The following EXOC6B variants were observed in gnomAD, a reference collection of about 807,000 sequenced individuals.
EXOC6B encodes SEC15 homolog B.
EXOC6B carries 54 observed loss-of-function variants against 113.5 expected under a neutral mutation model. The ratio of observed to expected loss-of-function variants is 0.48; its 90% CI spans 0.38 to 0.60. The LOEUF is 0.60. EXOC6B is among the 20% of genes least tolerant of loss of function. The probability of loss-of-function intolerance (pLI) is 0.00; values close to 1 mark genes in which losing one functional copy is unlikely to be tolerated. For missense variants in EXOC6B, 797 were observed against 977.5 expected (o/e 0.82, Z 2.46); for synonymous variants, 357 against 339.0 (o/e 1.05, Z -0.58).
intron 6 of EXOC6B, among the ~76,000 whole-genome samples, chr2:72,631,632 G>C (rs1672478258): frequency 6.6e-6 from 1 of 151,666 alleles, no homozygotes; most frequent in African/African-American, 2.4e-5. Context: ...AGCCTTCCAA[G>C]TAGCTGGGAC....
intron 10 of EXOC6B, among the ~76,000 whole-genome samples, chr2:72,513,633 A>C (rs1441956880): frequency 1.3e-5 from 2 of 151,934 alleles, no homozygotes; most frequent in Admixed American, 1.3e-4. Context: ...AGATCATAAA[A>C]GCTAATATAT....
chr2:72,662,469 A>G (rs71416758), intron 6 of EXOC6B, among the ~76,000 whole-genome samples: 7 of 152,242 alleles, frequency 4.6e-5, no homozygotes, highest in African/African-American at 9.6e-5. Flanking sequence ...AAAGTAAGAA[A>G]CAAACAATCC....
intron 2 of EXOC6B, among the ~76,000 whole-genome samples, chr2:72,740,685 T>C (rs1681242907): frequency 6.6e-6 from 1 of 152,232 alleles, no homozygotes; most frequent in Non-Finnish European, 1.5e-5. Flanking sequence ...TCTACAATGA[T>C]AGCTTTTATC....
chr2:72,658,652 C>G (rs1674784787), intron 6 of EXOC6B, among the ~76,000 whole-genome samples: 1 of 151,984 alleles, frequency 6.6e-6, no homozygotes, highest in Admixed American at 6.6e-5. Flanking sequence ...TGACAAGAAA[C>G]TGAGAAAGAG....
At chr2:72,491,774 C>T (rs555199511) in intron 16 of EXOC6B, among the ~76,000 whole-genome samples, 16 of 152,232 alleles carry the variant, frequency 1.1e-4, no homozygotes, top group African/African-American at 3.9e-4. Context: ...GCCTTTTCTA[C>T]ACATTCCCTT....
intron 19 of EXOC6B, among the ~76,000 whole-genome samples, chr2:72,352,675 A>G (rs551658924): frequency 6.6e-6 from 1 of 151,900 alleles, no homozygotes; most frequent in African/African-American, 2.4e-5. Flanking sequence ...ATGGAAAGGC[A>G]TATTTTTAAA....
At chr2:72,553,833 C>T (rs1025690915) in intron 8 of EXOC6B, among the ~76,000 whole-genome samples, 1 of 152,042 alleles carries the variant, frequency 6.6e-6, no homozygotes, top group South Asian at 2.1e-4. Flanking sequence ...TATGTCTGAA[C>T]AGGATCTAGT....
intron 20 of EXOC6B, among the ~76,000 whole-genome samples, chr2:72,229,799 G>C (rs370853263): frequency 3.9e-4 from 59 of 152,332 alleles, no homozygotes; most frequent in African/African-American, 1.4e-3. Flanking sequence ...AGTTGCCTAT[G>C]TGCAAATGGA....
chr2:72,525,406 G>A (rs753126007), intron 8 of EXOC6B, among the ~76,000 whole-genome samples: 6 of 152,066 alleles, frequency 3.9e-5, no homozygotes, highest in Admixed American at 6.6e-5. Context: ...ACTTAGAAGC[G>A]AAAGGGTAAA....
At chr2:72,276,141 G>A (rs1039717073) in intron 20 of EXOC6B, among the ~76,000 whole-genome samples, 1 of 152,176 alleles carries the variant, frequency 6.6e-6, no homozygotes, top group Admixed American at 6.5e-5. Flanking sequence ...GGCCATTTTA[G>A]TGAGGTGATT....
chr2:72,360,632 C>T (rs549105646), intron 19 of EXOC6B, among the ~76,000 whole-genome samples: 11 of 152,228 alleles, frequency 7.2e-5, no homozygotes, highest in Middle Eastern at 3.4e-3. Context: ...GGCCAATTCT[C>T]GTCCTTCCTA....
intron 20 of EXOC6B, among the ~76,000 whole-genome samples, chr2:72,270,373 A>C (rs1684408214): frequency 6.6e-6 from 1 of 152,126 alleles, no homozygotes; most frequent in Admixed American, 6.6e-5. Context: ...GTTTTCCTAA[A>C]ATATCTGTCC....
intron 6 of EXOC6B, among the ~76,000 whole-genome samples, chr2:72,641,240 C>A (rs758105349): frequency 1.3e-5 from 2 of 152,170 alleles, no homozygotes; most frequent in Admixed American, 6.5e-5. Context: ...TCAGAGAGGG[C>A]GAGCTGAAGC....
chr2:72,428,805 C>A (rs1695359343), intron 18 of EXOC6B, among the ~76,000 whole-genome samples: 1 of 152,194 alleles, frequency 6.6e-6, no homozygotes, highest in Admixed American at 6.5e-5. Context: ...GCTATTGTTT[C>A]ATTTATGGCT....
intron 8 of EXOC6B, among the ~76,000 whole-genome samples, chr2:72,530,686 T>C (rs1701957171): frequency 6.6e-6 from 1 of 152,196 alleles, no homozygotes; most frequent in Admixed American, 6.5e-5. Context: ...TCTTCAACTA[T>C]AACAGTGATT....
chr2:72,339,144 G>A (rs1382683500), intron 19 of EXOC6B, among the ~76,000 whole-genome samples: 1 of 151,796 alleles, frequency 6.6e-6, no homozygotes, highest in African/African-American at 2.4e-5. Context: ...ATGAGAGAGG[G>A]GCAAGAGGCT....
intron 18 of EXOC6B, chr2:72,462,486 T>G (rs1697752332): frequency 6.6e-6 from 1 of 151,990 alleles, no homozygotes; most frequent in East Asian, 1.9e-4. Context: ...TTAATTTTTG[T>G]GGGGGAGGGC....
chr2:72,515,295 T>C (rs1293908898), intron 8 of EXOC6B, 169 bp from the exon 9 acceptor site: 2 of 841,266 alleles, frequency 2.4e-6, no homozygotes, highest in Non-Finnish European at 3.6e-6. Context: ...ACTATTACCA[T>C]GTATTGAACC....
At chr2:72,206,598 C>T (rs1311997393) in intron 20 of EXOC6B, among the ~76,000 whole-genome samples, 3 of 152,022 alleles carry the variant, frequency 2.0e-5, no homozygotes, top group Non-Finnish European at 4.4e-5. Context: ...CAGAGAAACC[C>T]AAGTGTTTTA....
Sources: allele counts gnomAD v4.1 joint callset (sites outside exome capture counted in the v4.1 genomes callset), GRCh38; gene constraint gnomAD v4.1.1; transcripts MANE v1.5; gene names NCBI Gene and HGNC (gene_info 2026-07-23, HGNC 2026-07-21).